Variants in SPRED1 observed in about 807,000 individuals in gnomAD.
SPRED1 encodes sprouty related EVH1 domain containing 1.
In SPRED1, 18 loss-of-function variants were observed where a neutral mutation model predicts 52.3. That is an observed-to-expected ratio of 0.34 (90% CI 0.24 to 0.51). SPRED1 has a LOEUF of 0.51. Among genes scored for constraint, SPRED1 ranks in the 20% least tolerant of loss-of-function variants. The pLI, the probability that SPRED1 is intolerant of heterozygous loss-of-function variation, is 0.97. For missense variants in SPRED1, 485 were observed against 551.0 expected, an observed-to-expected ratio of 0.88 and a Z score of 1.20; for synonymous variants, 155 against 179.7, an observed-to-expected ratio of 0.86 and a Z score of 1.10.
intron 5 of SPRED1, among the ~76,000 whole-genome samples, chr15:38,340,841 A>G (rs889764167): frequency 5.9e-5 from 9 of 152,080 alleles, no homozygotes; most frequent in East Asian, 1.9e-4. Flanking sequence ...CTTTCTTACA[A>G]TGTTTTTATT....
chr15:38,261,336 A>G (rs1894200596), intron 1 of SPRED1, among the ~76,000 whole-genome samples: 1 of 152,178 alleles, frequency 6.6e-6, no homozygotes, highest in African/African-American at 2.4e-5. Context: ...GTACTTCTGA[A>G]TTAATATATC....
At chr15:38,314,146 G>T (rs1415559019) in intron 2 of SPRED1, among the ~76,000 whole-genome samples, 1 of 151,804 alleles carries the variant, frequency 6.6e-6, no homozygotes, top group African/African-American at 2.4e-5. Context: ...TATTTTAGAA[G>T]AATGTATTTT....
At chr15:38,316,187 T>C (rs1233386438) in intron 2 of SPRED1, among the ~76,000 whole-genome samples, 2 of 152,028 alleles carry the variant, frequency 1.3e-5, no homozygotes, top group Non-Finnish European at 2.9e-5. Context: ...TAACCTGGTG[T>C]AGTATAAGGA....
chr15:38,318,990 T>C (rs910950427), intron 2 of SPRED1, among the ~76,000 whole-genome samples: 3 of 152,144 alleles, frequency 2.0e-5, no homozygotes, highest in Admixed American at 6.6e-5. Context: ...GTAGATCACA[T>C]TGAAATTTTA....
intron 1 of SPRED1, among the ~76,000 whole-genome samples, chr15:38,269,194 A>G (rs1894376696): frequency 6.6e-6 from 1 of 152,058 alleles, no homozygotes; most frequent in Non-Finnish European, 1.5e-5. Context: ...TGCCCGCCTC[A>G]GCCTCCCAAA....
chr15:38,342,217 T>G (rs1896046315), intron 5 of SPRED1, among the ~76,000 whole-genome samples: 1 of 152,036 alleles, frequency 6.6e-6, no homozygotes, highest in Non-Finnish European at 1.5e-5. Context: ...ATCCCTTTAT[T>G]AGCTAATTAG....
chr15:38,299,429 G>A lies in SPRED1; in HGVS notation c.89G>A (p.Gly30Glu), dbSNP rs1317038482. Reference protein sequence around the residue: ...VVMTRDDSSGGWLPLGGSGLS... With the variant: ...VVMTRDDSSGEWLPLGGSGLS... ...ATGACCCGAGATGACTCAAGTGGTG[G>A]ATGGTTACCACTTGGAGGGAGTGGA... is the stretch of plus-strand genomic sequence containing the variant. Residue 30 changes from glycine to glutamate, a missense_variant, in exon 2 of 7, where the codon GGA (glycine) becomes GAA (glutamate). This residue lies in a region of SPRED1 where 11 missense variants were observed against 31.5 expected (regional missense o/e 0.35). Transcript: ENST00000299084. 1 of 1,613,886 alleles carries A rather than the reference G, an allele frequency of 6.2e-7. No homozygotes were observed. The highest frequency in any genetic ancestry group is 8.5e-7 in the Non-Finnish European group (1 of 1,179,816).
chr15:38,340,345 C>G, intron 5 of SPRED1, among the ~76,000 whole-genome samples: 1 of 152,100 alleles, frequency 6.6e-6, no homozygotes, highest in Non-Finnish European at 1.5e-5. Flanking sequence ...AAATTGCAGT[C>G]ATTGGTTTGC....
intron 2 of SPRED1, among the ~76,000 whole-genome samples, chr15:38,311,510 G>A (rs28847954): frequency 0.21 from 32,231 of 151,964 alleles, 3,955 homozygotes; most frequent in South Asian, 0.27. Context: ...GTGTTAGTTC[G>A]TTTTTAGATG....
intron 5 of SPRED1, among the ~76,000 whole-genome samples, chr15:38,344,006 G>A (rs1275244141): frequency 1.3e-5 from 2 of 152,038 alleles, no homozygotes; most frequent in African/African-American, 4.8e-5. Context: ...CAAAATAATT[G>A]CAACAATAAA....
chr15:38,265,847 A>C (rs954351303), intron 1 of SPRED1, among the ~76,000 whole-genome samples: 1 of 152,140 alleles, frequency 6.6e-6, no homozygotes, highest in Non-Finnish European at 1.5e-5. Context: ...ATGGGAGAGG[A>C]AGATTTTTCA....
chr15:38,261,109 G>C (rs1218473185), intron 1 of SPRED1, among the ~76,000 whole-genome samples: 1 of 152,202 alleles, frequency 6.6e-6, no homozygotes, highest in African/African-American at 2.4e-5. Context: ...CACATTTGAA[G>C]ATTAATGGAG....
intron 2 of SPRED1, among the ~76,000 whole-genome samples, chr15:38,310,382 C>T (rs1304784964): frequency 1.3e-5 from 2 of 152,096 alleles, no homozygotes; most frequent in African/African-American, 4.8e-5. Flanking sequence ...CTCAGGTGAT[C>T]CACCCACCTC....
chr15:38,291,509 G>T (rs915782997), intron 1 of SPRED1, among the ~76,000 whole-genome samples: 2 of 152,250 alleles, frequency 1.3e-5, no homozygotes, highest in Non-Finnish European at 2.9e-5. Context: ...CCTAGCAGAG[G>T]TTCTCCATGA....
chr15:38,254,561 C>A (rs1398386716), intron 1 of SPRED1, among the ~76,000 whole-genome samples: 1 of 152,038 alleles, frequency 6.6e-6, no homozygotes, highest in African/African-American at 2.4e-5. Context: ...AAGGATTTCC[C>A]AAGAAAAAAA....
At chr15:38,316,229 A>G (rs935018097) in intron 2 of SPRED1, among the ~76,000 whole-genome samples, 7 of 151,974 alleles carry the variant, frequency 4.6e-5, no homozygotes, top group Admixed American at 2.0e-4. Flanking sequence ...CTTCATCTGT[A>G]TCAGATTTTA....
In SPRED1 at chr15:38,314,513, C is replaced by T. The variant is rs1252165899; in HGVS notation, c.208-7728C>T. Among the ~76,000 whole-genome samples the T allele has an allele frequency of 3.9e-5, 6 of 151,908 alleles. No homozygotes were observed. The East Asian group carries it at 1.2e-3, about 29-fold the overall frequency. On this transcript the variant is annotated intron_variant, in intron 2 of 6. Transcript: ENST00000299084. ...CATATCCTTGTAGTCATGTGAGCCT[C>T]CAGTTAAATTTTATTCCTCTATTGG...
intron 4 of SPRED1, among the ~76,000 whole-genome samples, chr15:38,328,178 A>G (rs1308260581): frequency 6.6e-6 from 1 of 152,194 alleles, no homozygotes; most frequent in African/African-American, 2.4e-5. Flanking sequence ...TTCATTGGCA[A>G]TTGTTTGCAA....
intron 1 of SPRED1, among the ~76,000 whole-genome samples, chr15:38,280,962 A>G (rs546384149): frequency 1.3e-5 from 2 of 152,356 alleles, no homozygotes; most frequent in East Asian, 1.9e-4. Context: ...TGATAAATTC[A>G]TAACCCACCA....
Sources: gnomAD v4.1 joint callset for allele counts (sites outside exome capture counted in the v4.1 genomes callset) on GRCh38, gnomAD v4.1.1 for gene constraint, gnomAD v4.1.1 regional missense constraint, MANE v1.5 for transcripts, NCBI Gene and HGNC (gene_info 2026-07-23, HGNC 2026-07-21) for gene names.